DGKD: variants seen among roughly 807,000 people sequenced by gnomAD.
DGKD encodes the protein diacylglycerol kinase delta.
In DGKD, 68 loss-of-function variants were observed where a neutral mutation model predicts 154.4. The observed-to-expected ratio is 0.44, with a 90% confidence interval of 0.36 to 0.54. DGKD has a LOEUF of 0.54. Among genes scored for constraint, DGKD ranks in the 20% least tolerant of loss-of-function variants. The pLI, the probability that DGKD is intolerant of heterozygous loss-of-function variation, is 0.00. For synonymous variants in DGKD, 693 were observed against 638.0 expected (o/e 1.09, Z -1.30); for missense variants, 1,343 against 1,593.6 (o/e 0.84, Z 2.68).
chr2:233,354,696 C>T lies in DGKD; in HGVS notation c.156+22C>T. On this transcript the variant is annotated intron_variant, in intron 1 of 29. Coordinates refer to ENST00000264057, the MANE Select transcript of DGKD (RefSeq NM_152879.3). This position sits in a 1 kb window ranked among gnomAD's most constrained non-coding sequence, Gnocchi z 4.8. Reference sequence around the variant, plus strand: ...GAAGGTGAGCCCGCGGCGCGGCGGCCCGGGCGCGCGCCCCTCACGCCGCGG... The same window carrying T: ...GAAGGTGAGCCCGCGGCGCGGCGGCTCGGGCGCGCGCCCCTCACGCCGCGG... 3 of 982,888 alleles carry T rather than the reference C, an allele frequency of 3.1e-6. No homozygotes were observed. The highest frequency in any genetic ancestry group is 3.6e-6 in the Non-Finnish European group (3 of 828,926). The allele number at this position is 982,888 out of a possible 1,614,324, so 60.9% of individuals were successfully genotyped here.
chr2:233,378,203 C>A (rs1164796422), intron 1 of DGKD, among the ~76,000 whole-genome samples: 1 of 151,560 alleles, frequency 6.6e-6, no homozygotes, highest in Non-Finnish European at 1.5e-5. Context: ...TGCCTGAGCT[C>A]AGGAGGTCGA....
chr2:233,411,039 CATGTTACG>C (rs1470906209), intron 3 of DGKD, among the ~76,000 whole-genome samples: 2 of 151,842 alleles, frequency 1.3e-5, no homozygotes, highest in Admixed American at 1.3e-4. Context: ...TGAGATTTTT[CATGTTACG>C]AATATCAGTA....
intron 3 of DGKD, among the ~76,000 whole-genome samples, chr2:233,403,703 G>A (rs972131245): frequency 6.6e-5 from 10 of 150,746 alleles, no homozygotes; most frequent in Non-Finnish European, 1.3e-4. Flanking sequence ...GTAGTGGCGC[G>A]ATTTAGGCTC....
At chr2:233,390,349 T>A in intron 2 of DGKD, 54 bp from the exon 3 acceptor site, 1 of 1,451,820 alleles carries the variant, frequency 6.9e-7, no homozygotes, top group Non-Finnish European at 9.7e-7. Flanking sequence ...TGGCTAGTGC[T>A]TAGGGATGTA....
rs147247754 is a variant in DGKD at position 233,361,793 on chromosome 2, A to G, written c.156+7119A>G. ...AGATCCCGCCTCTACTAAAGATACT[A>G]GACATTTTTTTTTTCTTTTAAGACG... On this transcript the variant is annotated intron_variant, in intron 1 of 29. Transcript: ENST00000264057. Among the ~76,000 whole-genome samples the G allele has an allele frequency of 6.3e-3, 965 of 152,200 alleles. 14 individuals are homozygous for G. Among genetic ancestry groups the G allele is most frequent in the African/African-American group, 0.022 (912 of 41,518 alleles).
At chr2:233,396,711 ATGTGTGTCTGTGTGTTGG>A (rs1704059174) in intron 3 of DGKD, among the ~76,000 whole-genome samples, 1 of 151,996 alleles carries the variant, frequency 6.6e-6, no homozygotes, top group Non-Finnish European at 1.5e-5. Flanking sequence ...CTGAGAGGGT[ATGTGTGTCTGTGTGTTGG>A]TGTGTGTCTG....
At chr2:233,361,088 A>G (rs1410218179) in intron 1 of DGKD, among the ~76,000 whole-genome samples, 1 of 151,586 alleles carries the variant, frequency 6.6e-6, no homozygotes, top group Non-Finnish European at 1.5e-5. Flanking sequence ...TGAACAAAAC[A>G]TGGGAGCCAA....
intron 12 of DGKD, among the ~76,000 whole-genome samples, chr2:233,447,193 C>G (rs1575140064): frequency 6.1e-5 from 1 of 16,430 alleles, no homozygotes; most frequent in South Asian, 1.7e-3. Context: ...TCTCCCCTAG[C>G]CCCCCGGCTC....
At chr2:233,429,214 G>A in intron 3 of DGKD, 1 of 985,362 alleles carries the variant, frequency 1.0e-6, no homozygotes, top group African/African-American at 1.7e-5. Flanking sequence ...GGGAGTAGTA[G>A]ACTCAGGACC....
intron 1 of DGKD, among the ~76,000 whole-genome samples, chr2:233,384,455 T>C (rs1277384420): frequency 6.6e-6 from 1 of 152,128 alleles, no homozygotes; most frequent in Non-Finnish European, 1.5e-5. Context: ...ATCTCCTGTG[T>C]TAAAACTTCT....
intron 3 of DGKD, among the ~76,000 whole-genome samples, chr2:233,423,164 G>A (rs11694406): frequency 0.11 from 17,342 of 152,080 alleles, 1,208 homozygotes; most frequent in African/African-American, 0.19. Context: ...CCCCTGAAGG[G>A]CATCCGAATA....
intron 3 of DGKD, among the ~76,000 whole-genome samples, chr2:233,395,189 G>C (rs1703926223): frequency 6.6e-6 from 1 of 151,880 alleles, no homozygotes; most frequent in Non-Finnish European, 1.5e-5. Flanking sequence ...ATTTATTTTT[G>C]AGACAAGGTC....
At chr2:233,460,957 C>T (rs1361607353) in intron 24 of DGKD, among the ~76,000 whole-genome samples, 1 of 151,890 alleles carries the variant, frequency 6.6e-6, no homozygotes, top group East Asian at 1.9e-4. Flanking sequence ...CTGACAGCCG[C>T]CTTCACTTTG....
chr2:233,463,728 C>G (rs1190238597), intron 26 of DGKD: 3 of 222,946 alleles, frequency 1.3e-5, no homozygotes, highest in African/African-American at 2.3e-5. Flanking sequence ...AATCCTCACT[C>G]TACGCATCTC....
Position 233,435,900 on chromosome 2 carries a change from G to A in DGKD, c.669G>A (p.Lys223=), listed in dbSNP as rs1418978969. The part of the protein sequence containing the change: ...CKWTTLASIG[K]DIIEDADGIA... ...GGACCACACTGGCCTCGATCGGGAA[G>A]GACATCATTGAAGATGCAGATGGGG... The change falls in exon 6 of 30, where the codon AAG becomes AAA. Residue 223 remains lysine (K), a synonymous_variant. Transcript: ENST00000264057. 9 of 1,610,916 alleles carry A rather than the reference G, an allele frequency of 5.6e-6. No individual in the cohort carries two copies. Among genetic ancestry groups the A allele is most frequent in the Non-Finnish European group, 6.8e-6 (8 of 1,178,494 alleles).
At chr2:233,396,966 G>C (rs1443526030) in intron 3 of DGKD, among the ~76,000 whole-genome samples, 4 of 131,154 alleles carry the variant, frequency 3.0e-5, no homozygotes, top group Non-Finnish European at 6.6e-5. Context: ...AGGGGACCAG[G>C]GTGGCTGGGG....
chr2:233,456,786 T>C, intron 19 of DGKD, 113 bp from the exon 20 acceptor site: 1 of 773,826 alleles, frequency 1.3e-6, no homozygotes, highest in South Asian at 1.7e-5. Flanking sequence ...AAATAATTGC[T>C]AAATGTAGCT....
At chr2:233,419,572 A>C (rs2062049934) in intron 3 of DGKD, among the ~76,000 whole-genome samples, 1 of 149,582 alleles carries the variant, frequency 6.7e-6, no homozygotes, top group African/African-American at 2.5e-5. Context: ...TTAGAAATGG[A>C]AGGCTGGAAT....
intron 3 of DGKD, chr2:233,392,162 T>C (rs966857037): frequency 6.6e-6 from 1 of 152,126 alleles, no homozygotes; most frequent in Admixed American, 6.5e-5. Flanking sequence ...GTAGCTGGGA[T>C]TATAGTCGTG....
Sources: gnomAD v4.1 joint callset for allele counts (sites outside exome capture counted in the v4.1 genomes callset) on GRCh38, gnomAD v4.1.1 for gene constraint, Gnocchi (gnomAD v3.1) non-coding constraint, MANE v1.5 for transcripts, NCBI Gene and HGNC (gene_info 2026-07-23, HGNC 2026-07-21) for gene names.